The following LIMCH1 variants were observed in gnomAD, a reference collection of about 807,000 sequenced individuals.
LIMCH1 encodes the protein LIM and calponin homology domains-containing protein 1.
LIMCH1 carries 113 observed loss-of-function variants against 176.5 expected under a neutral mutation model. That is an observed-to-expected ratio of 0.64 (90% CI 0.55 to 0.75). The LOEUF (loss-of-function observed/expected upper bound fraction) is 0.75. LIMCH1 is among the 30% of genes least tolerant of loss of function. LIMCH1 has a pLI of 0.00. For missense variants in LIMCH1, 1,674 were observed against 1,814.9 expected, an observed-to-expected ratio of 0.92 and a Z score of 1.41; for synonymous variants, 619 against 645.9, an observed-to-expected ratio of 0.96 and a Z score of 0.63.
intron 28 of LIMCH1, among the ~76,000 whole-genome samples, chr4:41,686,138 C>G (rs1276227216): frequency 6.6e-6 from 1 of 152,168 alleles, no homozygotes; most frequent in Admixed American, 6.5e-5. Context: ...TAAATTGCCT[C>G]AGAGCCTGTG....
intron 1 of LIMCH1, among the ~76,000 whole-genome samples, chr4:41,549,815 A>G (rs1463716796): frequency 1.3e-5 from 2 of 152,122 alleles, no homozygotes; most frequent in Non-Finnish European, 2.9e-5. Flanking sequence ...AAATTTTGCT[A>G]GATTTACTTG....
At chr4:41,581,592 G>A (rs1252450862) in intron 1 of LIMCH1, among the ~76,000 whole-genome samples, 1 of 151,988 alleles carries the variant, frequency 6.6e-6, no homozygotes, top group Non-Finnish European at 1.5e-5. Flanking sequence ...GGATCCCGAG[G>A]TCAAGAGATC....
At chr4:41,620,740 G>T (rs2092509668) in intron 7 of LIMCH1, 50 bp downstream of exon 7, 12 of 1,488,580 alleles carry the variant, frequency 8.1e-6, no homozygotes, top group Non-Finnish European at 1.1e-5. Flanking sequence ...CATGCCTGGG[G>T]ATTTGGAATC....
At chr4:41,359,777 TC>T (rs2051777727), upstream of LIMCH1, 1 of 151,790 alleles carries the variant, frequency 6.6e-6, no homozygotes, top group African/African-American at 2.4e-5. Context: ...TCTGCCTACC[TC>T]CCGTTAATGG....
At chr4:41,595,377 T>A (rs2088553418) in intron 1 of LIMCH1, among the ~76,000 whole-genome samples, 1 of 148,442 alleles carries the variant, frequency 6.7e-6, no homozygotes, top group African/African-American at 2.7e-5. Context: ...AATTGCCACT[T>A]TTCAGACTTA....
At chr4:41,380,034 A>C (rs2154102677) in intron 1 of LIMCH1, among the ~76,000 whole-genome samples, 1 of 152,142 alleles carries the variant, frequency 6.6e-6, no homozygotes, top group South Asian at 2.1e-4. Flanking sequence ...CCTGACGTTA[A>C]CCTCAGGTGA....
chr4:41,598,040 C>T (rs1230339847), intron 1 of LIMCH1, among the ~76,000 whole-genome samples: 2 of 152,144 alleles, frequency 1.3e-5, no homozygotes, highest in East Asian at 3.8e-4. Flanking sequence ...CTTCTGGAGC[C>T]GACATTCCCT....
chr4:41,647,185 C>T (rs1034882677), intron 17 of LIMCH1, among the ~76,000 whole-genome samples: 1 of 152,148 alleles, frequency 6.6e-6, no homozygotes, highest in Non-Finnish European at 1.5e-5. Flanking sequence ...CATGATTTCT[C>T]TGTACTAGTG....
At chr4:41,604,610 AT>A (rs1165219188) in intron 3 of LIMCH1, among the ~76,000 whole-genome samples, 2 of 152,150 alleles carry the variant, frequency 1.3e-5, no homozygotes, top group Admixed American at 6.5e-5. Context: ...TCATCATAAA[AT>A]TTTAAACAAA....
intron 1 of LIMCH1, among the ~76,000 whole-genome samples, chr4:41,401,350 G>A (rs1274866048): frequency 5.3e-5 from 8 of 151,992 alleles, no homozygotes; most frequent in East Asian, 1.9e-4. Context: ...GTAGATATGC[G>A]GCGTTATTTC....
At chr4:41,500,636 G>A (rs2073102425) in intron 2 of LIMCH1, among the ~76,000 whole-genome samples, 1 of 152,150 alleles carries the variant, frequency 6.6e-6, no homozygotes, top group African/African-American at 2.4e-5. Context: ...CTTTATCTTA[G>A]TGTTCACCTT....
At position 41,460,458 on chromosome 4, in the gene LIMCH1, C is replaced by CTATA. The variant is rs57517524; in HGVS notation, c.97-34060_97-34057dup. Among the ~76,000 whole-genome samples, 458 of 110,516 alleles carry CTATA rather than the reference C, an allele frequency of 4.1e-3. 45 individuals carry two copies. The highest frequency in any genetic ancestry group is 0.026 in the Middle Eastern group (5 of 194). The allele number at this position is 110,516 out of a possible 152,430, so 72.5% of individuals were successfully genotyped here. ...AAATTTGTTCCACTATAGTAATCAT[C>CTATA]TATATATATATATATATATATCTTA... On this transcript the variant is annotated intron_variant, in intron 1 of 26. Coordinates refer to the LIMCH1 transcript ENST00000313860.
intron 2 of LIMCH1, among the ~76,000 whole-genome samples, chr4:41,503,015 A>ATCCG (rs2073635374): frequency 6.6e-6 from 1 of 151,242 alleles, no homozygotes; most frequent in South Asian, 2.1e-4. Flanking sequence ...CCATCCATCC[A>ATCCG]TCCATCCATC....
intron 1 of LIMCH1, among the ~76,000 whole-genome samples, chr4:41,361,226 A>G (rs1028940878): frequency 6.6e-6 from 1 of 152,200 alleles, no homozygotes; most frequent in East Asian, 1.9e-4. Flanking sequence ...GGCCTCGCAA[A>G]TCTCAGCTAG....
intron 4 of LIMCH1, 117 bp downstream of exon 4, chr4:41,606,121 A>G: frequency 1.6e-6 from 1 of 644,396 alleles, no homozygotes; most frequent in African/African-American, 1.8e-5. Context: ...AGCCAAAGAT[A>G]TGCACTCAAG....
chr4:41,641,040 G>A (rs4861126), intron 14 of LIMCH1, among the ~76,000 whole-genome samples: 3 of 151,938 alleles, frequency 2.0e-5, no homozygotes, highest in Non-Finnish European at 2.9e-5. Context: ...ATTCCTTTAC[G>A]GTAGACTTGG....
At chr4:41,446,370 T>C (rs995475091) in intron 1 of LIMCH1, among the ~76,000 whole-genome samples, 2 of 152,116 alleles carry the variant, frequency 1.3e-5, no homozygotes, top group East Asian at 3.8e-4. Context: ...TTAAAATAGA[T>C]CAAAGACTAG....
Position 41,631,229 on chromosome 4 carries a change from CA to C in LIMCH1, c.1355del (p.Asn452ThrfsTer23). Reference protein sequence around the residue: ...AETAIRDDFANRKARASKKAS... With the variant: ...AETAIRDDFAXRKARASKKAS... ...AAACTGCCATTCGTGATGACTTTGC[CA>C]ACCGCAAAGCAAGGGCCTCTAAGAA... On this transcript the variant is annotated frameshift_variant, in exon 10 of 32. Transcript: ENST00000503057. LOFTEE classifies it high-confidence loss of function. 1 of 1,536,128 alleles carries C rather than the reference CA, an allele frequency of 6.5e-7. No individual in the cohort carries two copies. Among genetic ancestry groups the C allele is most frequent in the Non-Finnish European group, 8.7e-7 (1 of 1,146,926 alleles).
At chr4:41,486,961 C>CACACACACATAT (rs1355472552) in intron 1 of LIMCH1, among the ~76,000 whole-genome samples, 1 of 117,638 alleles carries the variant, frequency 8.5e-6, no homozygotes, top group South Asian at 2.5e-4. Context: ...TATATATATA[C>CACACACACATAT]ACACACACAC....
Sources: allele counts gnomAD v4.1 joint callset (sites outside exome capture counted in the v4.1 genomes callset), GRCh38; gene constraint gnomAD v4.1.1; transcripts MANE v1.5; gene names NCBI Gene and HGNC (gene_info 2026-07-23, HGNC 2026-07-21).